Variants in SIRPG observed in about 807,000 individuals in gnomAD.
SIRPG encodes signal regulatory protein gamma.
SIRPG carries 38 observed loss-of-function variants against 35.7 expected under a neutral mutation model. The ratio of observed to expected loss-of-function variants is 1.06; its 90% CI spans 0.82 to 1.40. SIRPG has a LOEUF of 1.40. Among genes scored for constraint, SIRPG ranks in the 40% most tolerant of loss-of-function variants. The pLI is 0.00. For synonymous variants in SIRPG, 215 were observed against 190.4 expected (o/e 1.13, Z -1.06); for missense variants, 519 against 483.0 (o/e 1.07, Z -0.70).
chr20:1,649,100 C>T lies in SIRPG; in HGVS notation c.382G>A (p.Glu128Lys). 1 of 1,613,934 alleles carries T rather than the reference C, an allele frequency of 6.2e-7. No individual in the cohort carries two copies. The highest frequency in any genetic ancestry group is 8.5e-7 in the Non-Finnish European group (1 of 1,179,852). The change falls in exon 2 of 6, where the codon GAG becomes AAG. Residue 128 changes from glutamate to lysine, a missense_variant. Coordinates refer to ENST00000303415, the MANE Select transcript of SIRPG (RefSeq NM_018556.4). ...YCVKFRKGSP[E>K]NVEFKSGPGT... is the part of the protein sequence containing the mutation. ...GGTCCAGACTTAAACTCCACGTTCT[C>T]AGGGCTCCCTTTTCGAAACTTCACA...
the SIRPG span, among the ~76,000 whole-genome samples, chr20:1,670,587 G>A: frequency 1.9e-4 from 29 of 152,208 alleles, no homozygotes; most frequent in African/African-American, 4.6e-4. Flanking sequence ...CTCATTAATC[G>A]TAGTTGCTCT....
At chr20:1,655,993 A>G (rs754064233) in intron 1 of SIRPG, among the ~76,000 whole-genome samples, 5 of 152,226 alleles carry the variant, frequency 3.3e-5, no homozygotes, top group African/African-American at 7.2e-5. Flanking sequence ...ATGTTAGTAT[A>G]TAAGGTTGTT....
At chr20:1,678,071 C>T in the SIRPG span, among the ~76,000 whole-genome samples, 1 of 152,108 alleles carries the variant, frequency 6.6e-6, no homozygotes, top group Admixed American at 6.5e-5. Context: ...TAAAAAACAG[C>T]TATGTTTTCT....
intron 1 of SIRPG, among the ~76,000 whole-genome samples, chr20:1,656,877 A>AT (rs1207006639): frequency 6.6e-6 from 1 of 151,716 alleles, no homozygotes; most frequent in Non-Finnish European, 1.5e-5. Context: ...CGAGGTTGCA[A>AT]TTTTTTTTTA....
the SIRPG span, among the ~76,000 whole-genome samples, chr20:1,679,522 T>C: frequency 6.6e-6 from 1 of 152,040 alleles, no homozygotes; most frequent in Non-Finnish European, 1.5e-5. Flanking sequence ...TTCCAATCTG[T>C]CTTGCTTCCC....
intron 2 of SIRPG, among the ~76,000 whole-genome samples, chr20:1,644,054 C>T (rs897157900): frequency 1.3e-5 from 2 of 152,182 alleles, no homozygotes; most frequent in African/African-American, 2.4e-5. Context: ...TTGGGTGGCA[C>T]GGGGAGCAGG....
chr20:1,644,806 C>T (rs999378734), intron 2 of SIRPG, among the ~76,000 whole-genome samples: 1 of 152,310 alleles, frequency 6.6e-6, no homozygotes, highest in African/African-American at 2.4e-5. Flanking sequence ...TGGGGGCTTC[C>T]CTGCCCCACA....
chr20:1,642,438 C>T (rs1276993433), intron 2 of SIRPG, among the ~76,000 whole-genome samples: 6 of 152,138 alleles, frequency 3.9e-5, no homozygotes, highest in South Asian at 2.1e-4. Flanking sequence ...TTCCTCCATC[C>T]GTTTGTTTTG....
At chr20:1,655,405 C>G (rs1004851979) in intron 1 of SIRPG, among the ~76,000 whole-genome samples, 1 of 151,982 alleles carries the variant, frequency 6.6e-6, no homozygotes, top group African/African-American at 2.4e-5. Context: ...GGACATTCTG[C>G]TAAGTGAAAT....
upstream of SIRPG, among the ~76,000 whole-genome samples, chr20:1,658,009 T>G (rs192376079): frequency 2.2e-4 from 34 of 152,340 alleles, no homozygotes; most frequent in African/African-American, 7.2e-4. Flanking sequence ...AAACCCATTT[T>G]CAGGTCTTCT....
At chr20:1,686,344 G>A in the SIRPG span, among the ~76,000 whole-genome samples, 625 of 152,262 alleles carry the variant, frequency 4.1e-3, 2 homozygotes, top group African/African-American at 0.014. Flanking sequence ...GTGCATCCCC[G>A]CAGCAGAATC....
In SIRPG at chr20:1,650,126, C is replaced by G. The variant is rs1261214007; in HGVS notation, c.74-718G>C. Among the ~76,000 whole-genome samples, 29 of 149,538 alleles carry G rather than the reference C, an allele frequency of 1.9e-4. No homozygotes were observed. The Admixed American group carries it at 1.9e-3, about 10-fold the overall frequency. On this transcript the variant is annotated intron_variant, in intron 1 of 5. Coordinates refer to ENST00000303415, the MANE Select transcript of SIRPG (RefSeq NM_018556.4). ...TGCGTCTTTTGCAGGCTAGTTTTTGCCTTTCCAAATTCTAGAGGCTGCCCA... is the reference window on the plus strand; with the variant it reads ...TGCGTCTTTTGCAGGCTAGTTTTTGGCTTTCCAAATTCTAGAGGCTGCCCA...
chr20:1,631,576 T>C (rs2091750552), intron 4 of SIRPG, among the ~76,000 whole-genome samples: 1 of 152,182 alleles, frequency 6.6e-6, no homozygotes, highest in Non-Finnish European at 1.5e-5. Context: ...CCTGCATTCC[T>C]GTATCCATCT....
rs564732107 is a variant in SIRPG at position 1,631,708 on chromosome 20, G to A, written c.1082-1402C>T. Among the ~76,000 whole-genome samples, 34 of 152,342 alleles carry A rather than the reference G, an allele frequency of 2.2e-4. 1 individual carries two copies. Among genetic ancestry groups the A allele is most frequent in the Admixed American group, 1.6e-3 (24 of 15,306 alleles). ...GAGGACCTCAGGGCTGGCAGTGAGT[G>A]GGGCTGGGCACCATGGCTGGGATGC... On this transcript the variant is annotated intron_variant, in intron 4 of 5. Coordinates refer to ENST00000303415, the MANE Select transcript of SIRPG (RefSeq NM_018556.4).
chr20:1,668,261 TTTTCTTTTCTTTC>T, the SIRPG span, among the ~76,000 whole-genome samples: 58 of 149,298 alleles, frequency 3.9e-4, no homozygotes, highest in Middle Eastern at 3.4e-3. Flanking sequence ...TTCTTTTTCT[TTTTCTTTTCTTTC>T]TTTCTTTTCT....
At chr20:1,668,717 A>G in the SIRPG span, among the ~76,000 whole-genome samples, 1 of 152,184 alleles carries the variant, frequency 6.6e-6, no homozygotes, top group Non-Finnish European at 1.5e-5. Context: ...ATATGAGGAA[A>G]TTTTTGTTAA....
At chr20:1,682,292 T>A in the SIRPG span, among the ~76,000 whole-genome samples, 1 of 152,190 alleles carries the variant, frequency 6.6e-6, no homozygotes, top group Non-Finnish European at 1.5e-5. Context: ...AAAAGTCTTT[T>A]AAAAATCCTG....
At chr20:1,639,382 C>T (rs993633028) in intron 2 of SIRPG, among the ~76,000 whole-genome samples, 5 of 152,116 alleles carry the variant, frequency 3.3e-5, no homozygotes, top group African/African-American at 1.2e-4. Context: ...TGATGTTGAG[C>T]TTTTTTTCAT....
chr20:1,649,446 A>C, intron 1 of SIRPG, 38 bp from the exon 2 acceptor site: 1 of 1,535,010 alleles, frequency 6.5e-7, no homozygotes, highest in Non-Finnish European at 8.8e-7. Flanking sequence ...TTTCATCCTT[A>C]CATAATCCTG....
Sources: allele counts gnomAD v4.1 joint callset (sites outside exome capture counted in the v4.1 genomes callset), GRCh38; gene constraint gnomAD v4.1.1; transcripts MANE v1.5; gene names NCBI Gene and HGNC (gene_info 2026-07-23, HGNC 2026-07-21).